GUCY1A2: variants seen among roughly 807,000 people sequenced by gnomAD.
GUCY1A2 encodes guanylate cyclase 1 soluble subunit alpha 2, also known as guanylate cyclase soluble subunit alpha-2.
GUCY1A2 carries 27 observed loss-of-function variants against 63.5 expected under a neutral mutation model. The observed-to-expected ratio is 0.43, with a 90% CI of 0.31 to 0.59. GUCY1A2 has a LOEUF of 0.59. Ranked by LOEUF, GUCY1A2 falls within the 20% of genes least tolerant of loss-of-function variation. GUCY1A2 has a pLI of 0.11. For missense variants in GUCY1A2, 768 were observed against 913.3 expected, an observed-to-expected ratio of 0.84 and a Z score of 2.05; for synonymous variants, 364 against 343.5, an observed-to-expected ratio of 1.06 and a Z score of -0.66.
At chr11:106,884,226 T>A (rs1270969294) in intron 4 of GUCY1A2, among the ~76,000 whole-genome samples, 2 of 152,128 alleles carry the variant, frequency 1.3e-5, no homozygotes, top group Non-Finnish European at 2.9e-5. Flanking sequence ...CATTTTGCCT[T>A]TATGGTGATA....
chr11:106,888,879 G>A (rs1489836286), intron 4 of GUCY1A2, among the ~76,000 whole-genome samples: 1 of 152,094 alleles, frequency 6.6e-6, no homozygotes, highest in African/African-American at 2.4e-5. Context: ...AACACTTCTT[G>A]AGGACAGGAA....
chr11:106,891,658 T>C (rs1250629172), intron 4 of GUCY1A2, among the ~76,000 whole-genome samples: 2 of 152,146 alleles, frequency 1.3e-5, no homozygotes, highest in African/African-American at 2.4e-5. Context: ...TGCAACACTA[T>C]TTAATGTAAA....
At chr11:106,847,274 T>C (rs908095740) in intron 4 of GUCY1A2, among the ~76,000 whole-genome samples, 2 of 145,138 alleles carry the variant, frequency 1.4e-5, no homozygotes, top group African/African-American at 5.0e-5. Context: ...TTGTGGTTTT[T>C]ATAAGGATTG....
chr11:106,980,511 G>A (rs933165253), intron 2 of GUCY1A2, among the ~76,000 whole-genome samples: 1 of 152,168 alleles, frequency 6.6e-6, no homozygotes, highest in African/African-American at 2.4e-5. Context: ...GAAGAGGAGT[G>A]AAAACCCACA....
At chr11:106,824,192 C>G in intron 4 of GUCY1A2, 12 of 1,320,868 alleles carry the variant, frequency 9.1e-6, no homozygotes, top group Non-Finnish European at 1.2e-5. Flanking sequence ...GGGTAAATGG[C>G]TATTAATTTT....
chr11:106,919,559 T>C (rs1860413980), intron 4 of GUCY1A2, among the ~76,000 whole-genome samples: 1 of 152,056 alleles, frequency 6.6e-6, no homozygotes, highest in African/African-American at 2.4e-5. Flanking sequence ...TAGTGCAATG[T>C]GGAAAACTAA....
At chr11:106,725,458 TA>T (rs1283410962) in intron 6 of GUCY1A2, among the ~76,000 whole-genome samples, 2 of 152,106 alleles carry the variant, frequency 1.3e-5, no homozygotes, top group Admixed American at 6.5e-5. Context: ...TCTTATTGGC[TA>T]AAATTCTAAC....
chr11:106,795,673 T>C (rs1180209614), intron 5 of GUCY1A2, among the ~76,000 whole-genome samples: 2 of 152,162 alleles, frequency 1.3e-5, no homozygotes, highest in Non-Finnish European at 2.9e-5. Context: ...GAAAAATGCA[T>C]CAAAACTTAT....
chr11:106,996,072 G>C (rs1195707389), intron 1 of GUCY1A2, among the ~76,000 whole-genome samples: 1 of 152,116 alleles, frequency 6.6e-6, no homozygotes. Context: ...AACCCTAAAT[G>C]CACTAACTCG....
At chr11:107,007,321 A>T (rs1157317316) in intron 1 of GUCY1A2, among the ~76,000 whole-genome samples, 1 of 152,228 alleles carries the variant, frequency 6.6e-6, no homozygotes, top group Middle Eastern at 3.2e-3. Flanking sequence ...AGTGAAATGA[A>T]TAGTGAAAGA....
At chr11:106,817,510 T>C (rs1323498438) in intron 4 of GUCY1A2, among the ~76,000 whole-genome samples, 1 of 152,154 alleles carries the variant, frequency 6.6e-6, no homozygotes, top group South Asian at 2.1e-4. Flanking sequence ...AATGAGATTC[T>C]ATCAAATTAA....
At chr11:106,949,179 C>A (rs1031544903) in intron 3 of GUCY1A2, among the ~76,000 whole-genome samples, 1 of 151,772 alleles carries the variant, frequency 6.6e-6, no homozygotes, top group Non-Finnish European at 1.5e-5. Flanking sequence ...TTGTTTTAGG[C>A]CACCATGATC....
At chr11:106,860,034 TAAATG>T (rs2135456509) in intron 4 of GUCY1A2, among the ~76,000 whole-genome samples, 2 of 152,128 alleles carry the variant, frequency 1.3e-5, no homozygotes, top group East Asian at 1.9e-4. Context: ...TCAGCATAAA[TAAATG>T]AAATTACATG....
At chr11:106,962,611 G>A (rs1007637071) in intron 3 of GUCY1A2, among the ~76,000 whole-genome samples, 1 of 151,268 alleles carries the variant, frequency 6.6e-6, no homozygotes, top group Non-Finnish European at 1.5e-5. Flanking sequence ...CAGGAATTGT[G>A]GGAGTAGGTG....
chr11:106,958,055 T>G (rs776857986), intron 3 of GUCY1A2, among the ~76,000 whole-genome samples: 2 of 152,144 alleles, frequency 1.3e-5, no homozygotes, highest in Non-Finnish European at 2.9e-5. Context: ...AGTATGTTAT[T>G]GTGTTTCCAT....
intron 6 of GUCY1A2, among the ~76,000 whole-genome samples, chr11:106,751,249 C>G (rs1283051303): frequency 1.3e-5 from 2 of 152,002 alleles, no homozygotes; most frequent in African/African-American, 4.8e-5. Flanking sequence ...ATAAGTAGTC[C>G]TCTATATTCA....
chr11:106,749,370 G>C (rs67981963), intron 6 of GUCY1A2, among the ~76,000 whole-genome samples: 32,887 of 151,986 alleles, frequency 0.22, 4,127 homozygotes, highest in Non-Finnish European at 0.27. Context: ...TGGGTGTCAA[G>C]TTCTCCTTTG....
chr11:106,788,574 T>C (rs1480270051), intron 5 of GUCY1A2, among the ~76,000 whole-genome samples: 1 of 152,298 alleles, frequency 6.6e-6, no homozygotes, highest in East Asian at 1.9e-4. Flanking sequence ...TATGATGACA[T>C]AGTGGTCTAG....
chr11:106,975,982 G>A (rs1861256970), intron 3 of GUCY1A2, among the ~76,000 whole-genome samples: 1 of 152,124 alleles, frequency 6.6e-6, no homozygotes, highest in African/African-American at 2.4e-5. Flanking sequence ...TACTAAGTAG[G>A]TAGAAATGCT....
Sources: gnomAD v4.1 joint callset for allele counts (sites outside exome capture counted in the v4.1 genomes callset) on GRCh38, gnomAD v4.1.1 for gene constraint, MANE v1.5 for transcripts, NCBI Gene and HGNC (gene_info 2026-07-23, HGNC 2026-07-21) for gene names.